NSMCE1: variants seen among roughly 807,000 people sequenced by gnomAD.
The protein encoded by NSMCE1 is non-structural maintenance of chromosomes element 1 homolog.
NSMCE1 carries 18 observed loss-of-function variants against 29.6 expected under a neutral mutation model. That is an observed-to-expected ratio of 0.61 (90% CI 0.42 to 0.90). The LOEUF is 0.90. NSMCE1 is among the 40% of genes least tolerant of loss of function. The pLI is 0.00. For missense variants in NSMCE1, 314 were observed against 343.6 expected, an observed-to-expected ratio of 0.91 and a Z score of 0.68; for synonymous variants, 124 against 133.4, an observed-to-expected ratio of 0.93 and a Z score of 0.49.
chr16:27,260,986 G>A (rs1321565474), intron 1 of NSMCE1, among the ~76,000 whole-genome samples: 1 of 151,546 alleles, frequency 6.6e-6, no homozygotes, highest in African/African-American at 2.4e-5. Context: ...GGTTAACATG[G>A]TGAAACCCCA....
chr16:27,243,191 T>C (rs1321629831), intron 2 of NSMCE1, among the ~76,000 whole-genome samples: 1 of 152,148 alleles, frequency 6.6e-6, no homozygotes, highest in Admixed American at 6.6e-5. Context: ...TTCTTAAAAA[T>C]TACAAACACT....
At position 27,247,344 on chromosome 16, in the gene NSMCE1, A is replaced by G. The variant is rs530209617; in HGVS notation, c.136+10091T>C. The stretch of plus-strand genomic sequence containing the variant: ...CTCCTTCCTGCCTGCCACCATGTGA[A>G]GAAGGATGTGTTTGCTTCCCCTTCC... On this transcript the variant is annotated intron_variant, in intron 2 of 7. Transcript: ENST00000361439. Among the ~76,000 whole-genome samples, 144 of 152,280 alleles carry G rather than the reference A, an allele frequency of 9.5e-4. 1 individual carries two copies. The highest frequency in any genetic ancestry group is 6.8e-3 in the Middle Eastern group (2 of 294).
chr16:27,234,254 A>T lies in NSMCE1; in HGVS notation c.270T>A (p.Ala90=). The change falls in exon 4 of 8, where the codon GCT becomes GCA. Residue 90 remains alanine (A), a synonymous_variant. Coordinates refer to ENST00000361439, the MANE Select transcript of NSMCE1 (RefSeq NM_145080.4). ...GRPIYALVNL[A]TTSISKMATD... ...TAGCCATTTTGGAAATTGAAGTTGT[A>T]GCAAGATTCACCTAAGAAATAAGTC... 6.2e-7 allele frequency: 1 copy of T among 1,612,146 alleles called. No homozygotes were observed. The highest frequency in any genetic ancestry group is 8.5e-7 in the Non-Finnish European group (1 of 1,178,152).
At chr16:27,247,582 G>A (rs1431773186) in intron 2 of NSMCE1, among the ~76,000 whole-genome samples, 3 of 151,998 alleles carry the variant, frequency 2.0e-5, no homozygotes, top group Non-Finnish European at 4.4e-5. Flanking sequence ...TGCAACCACT[G>A]AACCATCCTG....
At chr16:27,267,537 G>C (rs1304489809) in intron 1 of NSMCE1, among the ~76,000 whole-genome samples, 5 of 151,800 alleles carry the variant, frequency 3.3e-5, no homozygotes, top group Admixed American at 3.3e-4. Context: ...AGAAAAGTGA[G>C]TGAACAGAAC....
At chr16:27,244,574 G>T (rs1228919311) in intron 2 of NSMCE1, among the ~76,000 whole-genome samples, 1 of 151,816 alleles carries the variant, frequency 6.6e-6, no homozygotes, top group Non-Finnish European at 1.5e-5. Context: ...CACTCATGCT[G>T]CCTTCCCTTT....
intron 5 of NSMCE1, among the ~76,000 whole-genome samples, chr16:27,231,675 C>T (rs9939187): frequency 0.031 from 4,649 of 151,800 alleles, 140 homozygotes; most frequent in African/African-American, 0.077. Flanking sequence ...AGGGGCTGCA[C>T]CACAAGCGAG....
chr16:27,243,014 T>C (rs2083910910), intron 2 of NSMCE1, among the ~76,000 whole-genome samples: 1 of 152,166 alleles, frequency 6.6e-6, no homozygotes, highest in Non-Finnish European at 1.5e-5. Flanking sequence ...ATCTGATGCC[T>C]ACAGAGGCAG....
chr16:27,244,771 C>T (rs1247042202), intron 2 of NSMCE1, among the ~76,000 whole-genome samples: 3 of 152,234 alleles, frequency 2.0e-5, no homozygotes, highest in Non-Finnish European at 2.9e-5. Context: ...TGTCTGCCTC[C>T]GAGTTACGGT....
At position 27,225,859 on chromosome 16, in the gene NSMCE1, A is replaced by G. The variant is rs745960535; in HGVS notation, c.601-13T>C. 2.5e-6 allele frequency: 4 copies of G among 1,613,794 alleles called. No homozygotes were observed. The Admixed American group carries it at 5.0e-5, about 20-fold the overall frequency. ...CGCAGCTTTGACCCTGAAACAGGAAAGGCCAATGACGGCGGAGCTGGTGCA... is the reference window on the plus strand; with the variant it reads ...CGCAGCTTTGACCCTGAAACAGGAAGGGCCAATGACGGCGGAGCTGGTGCA... On this transcript the variant is annotated splice_polypyrimidine_tract_variant and intron_variant, in intron 6 of 7. Transcript: ENST00000361439.
intron 2 of NSMCE1, among the ~76,000 whole-genome samples, chr16:27,254,119 C>T (rs1403915417): frequency 1.3e-5 from 2 of 152,208 alleles, no homozygotes; most frequent in African/African-American, 2.4e-5. Context: ...ATTTTCCTGG[C>T]CATCTCTTCA....
At position 27,225,050 on chromosome 16, in the gene NSMCE1, G is replaced by A. The variant is rs2083671764; in HGVS notation, c.*107C>T. On this transcript the variant is annotated 3_prime_UTR_variant, in exon 8 of 8. Coordinates refer to ENST00000361439, the MANE Select transcript of NSMCE1 (RefSeq NM_145080.4). ...AGCTGTGGACGGTGAACATTAAGAC[G>A]AAAGAGGTGACTCGCGTGGAACCTG... The A allele has an allele frequency of 5.8e-6, 4 of 684,014 alleles. No individual in the cohort carries two copies. Among genetic ancestry groups the A allele is most frequent in the South Asian group, 3.3e-5 (2 of 59,944 alleles). The allele number at this position is 684,014 out of a possible 1,614,324, so 42.4% of individuals were successfully genotyped here. A position where few individuals can be genotyped will look rare whatever the true frequency, so the allele number is the denominator to read the frequency against.
At chr16:27,249,859 A>T (rs149362907) in intron 2 of NSMCE1, among the ~76,000 whole-genome samples, 103 of 152,366 alleles carry the variant, frequency 6.8e-4, no homozygotes, top group African/African-American at 2.4e-3. Context: ...GGGAGAATTG[A>T]TACCTTAACA....
At chr16:27,242,071 A>C (rs1162632753) in intron 2 of NSMCE1, among the ~76,000 whole-genome samples, 6 of 152,188 alleles carry the variant, frequency 3.9e-5, no homozygotes, top group Admixed American at 3.9e-4. Flanking sequence ...ATAAAACAAG[A>C]TCAGTCCTGC....
Position 27,225,904 on chromosome 16 carries a change from C to T in NSMCE1, c.601-58G>A. Reference sequence around the variant, plus strand: ...GGTGCACACCTCCATGTTCTGCAAACCTCCGGGGAAGCCACAAGGGAAATG... The same window carrying T: ...GGTGCACACCTCCATGTTCTGCAAATCTCCGGGGAAGCCACAAGGGAAATG... On this transcript the variant is annotated intron_variant, in intron 6 of 7. Coordinates refer to ENST00000361439, the MANE Select transcript of NSMCE1 (RefSeq NM_145080.4). 4 of 1,601,676 alleles carry T rather than the reference C, an allele frequency of 2.5e-6. No homozygotes were observed. The Middle Eastern group carries it at 5.0e-4, about 199-fold the overall frequency.
chr16:27,251,161 T>TATATATAA (rs2084024465), intron 2 of NSMCE1, among the ~76,000 whole-genome samples: 1 of 50,434 alleles, frequency 2.0e-5, no homozygotes, highest in Non-Finnish European at 3.2e-5. Flanking sequence ...TTATTTAAAA[T>TATATATAA]ATATATATAT....
intron 6 of NSMCE1, 129 bp from the exon 7 acceptor site, chr16:27,225,975 T>C: frequency 9.0e-7 from 1 of 1,116,092 alleles, no homozygotes; most frequent in Non-Finnish European, 1.3e-6. Flanking sequence ...AGATTAATAT[T>C]GAAAATAATC....
intron 2 of NSMCE1, among the ~76,000 whole-genome samples, chr16:27,240,172 C>T (rs1356306360): frequency 6.6e-6 from 1 of 152,160 alleles, no homozygotes; most frequent in Non-Finnish European, 1.5e-5. Flanking sequence ...ACAGAACAAG[C>T]CTGAGGACAT....
At chr16:27,264,619 A>AT (rs2084199602) in intron 1 of NSMCE1, among the ~76,000 whole-genome samples, 1 of 152,238 alleles carries the variant, frequency 6.6e-6, no homozygotes, top group Admixed American at 6.5e-5. Flanking sequence ...CTCATACTAT[A>AT]TACAAACATC....
Sources: allele counts gnomAD v4.1 joint callset (sites outside exome capture counted in the v4.1 genomes callset), GRCh38; gene constraint gnomAD v4.1.1; transcripts MANE v1.5; gene names NCBI Gene and HGNC (gene_info 2026-07-23, HGNC 2026-07-21).